Variants in MGST2 observed in about 807,000 individuals in gnomAD.
The protein encoded by MGST2 is microsomal glutathione S-transferase 2.
In MGST2, 9 loss-of-function variants were observed where a neutral mutation model predicts 16.6. That is an observed-to-expected ratio of 0.54 (90% CI 0.33 to 0.95). The LOEUF (loss-of-function observed/expected upper bound fraction) is 0.95. Ranked by LOEUF, MGST2 falls within the 40% of genes least tolerant of loss-of-function variation. The pLI is 0.03. For synonymous variants in MGST2, 79 were observed against 68.0 expected (o/e 1.16, Z -0.79); for missense variants, 159 against 175.1 (o/e 0.91, Z 0.52).
chr4:139,671,295 G>A (rs1210423287), intron 1 of MGST2, among the ~76,000 whole-genome samples: 1 of 152,084 alleles, frequency 6.6e-6, no homozygotes, highest in Non-Finnish European at 1.5e-5. Flanking sequence ...TTCATTTTTG[G>A]TTTCTCCTCA....
intron 2 of MGST2, chr4:139,685,056 A>C (rs1409839814): frequency 6.6e-6 from 1 of 152,270 alleles, no homozygotes; most frequent in Non-Finnish European, 1.5e-5. Context: ...TGGGGTAAGG[A>C]TGGTCTCAGT....
intron 2 of MGST2, chr4:139,679,111 A>G (rs1011327360): frequency 5.6e-6 from 1 of 177,100 alleles, no homozygotes; most frequent in Non-Finnish European, 1.2e-5. Flanking sequence ...AAAGCTTGCC[A>G]GCTCACATGC....
downstream of MGST2, among the ~76,000 whole-genome samples, chr4:139,705,022 T>C (rs770246232): frequency 2.6e-5 from 4 of 152,178 alleles, no homozygotes; most frequent in Non-Finnish European, 5.9e-5. Flanking sequence ...ATGCCCATAC[T>C]GTAAAACCAG....
At chr4:139,747,811 T>C in the MGST2 span, among the ~76,000 whole-genome samples, 3 of 152,166 alleles carry the variant, frequency 2.0e-5, no homozygotes, top group Non-Finnish European at 4.4e-5. Context: ...CCCAGGACTT[T>C]GGGAAGCCAA....
At chr4:139,704,754 C>G (rs1488653175), downstream of MGST2, among the ~76,000 whole-genome samples, 3 of 152,142 alleles carry the variant, frequency 2.0e-5, no homozygotes, top group African/African-American at 7.2e-5. Context: ...AACCCTGTCT[C>G]TACTAAAGAT....
chr4:139,737,612 C>CT (rs1339472472), intron 5 of MGST2, among the ~76,000 whole-genome samples: 1 of 151,976 alleles, frequency 6.6e-6, no homozygotes, highest in African/African-American at 2.4e-5. Flanking sequence ...GTGGTATCAA[C>CT]TTTGACATTT....
At chr4:139,692,861 G>A (rs1661198928) in intron 2 of MGST2, among the ~76,000 whole-genome samples, 1 of 152,168 alleles carries the variant, frequency 6.6e-6, no homozygotes, top group South Asian at 2.1e-4. Flanking sequence ...TTTGGACTTA[G>A]GACATTCTTA....
intron 3 of MGST2, among the ~76,000 whole-genome samples, chr4:139,700,337 T>C (rs186219665): frequency 7.3e-4 from 111 of 152,134 alleles, no homozygotes; most frequent in African/African-American, 2.6e-3. Flanking sequence ...TTCACTGTGT[T>C]AGCCAGGATG....
intron 4 of MGST2, 151 bp downstream of exon 4, chr4:139,703,687 A>G: frequency 1.3e-6 from 1 of 797,676 alleles, no homozygotes; most frequent in Non-Finnish European, 2.1e-6. Context: ...GCCAGTTCAT[A>G]CACAATTAGG....
At chr4:139,670,270 G>T (rs1730611176) in intron 1 of MGST2, among the ~76,000 whole-genome samples, 1 of 29,648 alleles carries the variant, frequency 3.4e-5, no homozygotes, top group African/African-American at 5.1e-4. Context: ...GGGGGGGGGC[G>T]GTTAACAGAA....
chr4:139,692,439 G>C (rs1286960620), intron 2 of MGST2, among the ~76,000 whole-genome samples: 1 of 152,214 alleles, frequency 6.6e-6, no homozygotes, highest in Non-Finnish European at 1.5e-5. Context: ...CCACTGTCCT[G>C]CTCCCCAGTC....
the MGST2 span, among the ~76,000 whole-genome samples, chr4:139,752,409 C>T: frequency 6.6e-6 from 1 of 152,190 alleles, no homozygotes; most frequent in Non-Finnish European, 1.5e-5. Context: ...CCCAACTCCT[C>T]TTCCAGTGTG....
chr4:139,672,795 C>T (rs1381825688), intron 1 of MGST2, among the ~76,000 whole-genome samples: 1 of 152,166 alleles, frequency 6.6e-6, no homozygotes, highest in East Asian at 1.9e-4. Context: ...AAGTGATCCA[C>T]TAGCCTCAGC....
chr4:139,732,344 A>C (rs1007262519), intron 5 of MGST2, among the ~76,000 whole-genome samples: 2 of 152,162 alleles, frequency 1.3e-5, no homozygotes, highest in African/African-American at 2.4e-5. Flanking sequence ...GGTGTGCTGT[A>C]GAACCATGCA....
intron 5 of MGST2, chr4:139,720,105 T>G: frequency 6.2e-7 from 1 of 1,614,102 alleles, no homozygotes; most frequent in Non-Finnish European, 8.5e-7. Context: ...AACATTTGGG[T>G]CATGCCTGTG....
intron 5 of MGST2, among the ~76,000 whole-genome samples, chr4:139,723,373 C>A (rs534507091): frequency 6.6e-6 from 1 of 152,176 alleles, no homozygotes; most frequent in African/African-American, 2.4e-5. Context: ...TGCAATGGCA[C>A]GATCTTGGCT....
intron 1 of MGST2, among the ~76,000 whole-genome samples, chr4:139,668,591 G>GAC (rs146295438): frequency 0.22 from 29,103 of 132,122 alleles, 3,189 homozygotes; most frequent in East Asian, 0.44. Context: ...GTTCAAGAAA[G>GAC]ACACAGAGAG....
At chr4:139,716,568 A>G (rs957831396) in intron 5 of MGST2, among the ~76,000 whole-genome samples, 2 of 55,670 alleles carry the variant, frequency 3.6e-5, no homozygotes, top group African/African-American at 2.7e-4. Flanking sequence ...TTCAGAAAGT[A>G]TCATCAGTTG....
At chr4:139,686,210 C>A (rs1281203932) in intron 2 of MGST2, among the ~76,000 whole-genome samples, 2 of 152,134 alleles carry the variant, frequency 1.3e-5, no homozygotes, top group Non-Finnish European at 2.9e-5. Flanking sequence ...TAAAATTTTT[C>A]CTGGTTGACA....
Sources: allele counts gnomAD v4.1 joint callset (sites outside exome capture counted in the v4.1 genomes callset), GRCh38; gene constraint gnomAD v4.1.1; transcripts MANE v1.5; gene names NCBI Gene and HGNC (gene_info 2026-07-23, HGNC 2026-07-21).